Variants in SETDB1 observed in about 807,000 individuals in gnomAD.
The protein encoded by SETDB1 is histone-lysine N-methyltransferase SETDB1.
In SETDB1, 31 loss-of-function variants were observed where a neutral mutation model predicts 137.4. That is an observed-to-expected ratio of 0.23 (90% CI 0.17 to 0.30). SETDB1 has a LOEUF of 0.30. SETDB1 is among the 10% of genes least tolerant of loss of function. The probability of loss-of-function intolerance (pLI) is 1.00; values close to 1 mark genes in which losing one functional copy is unlikely to be tolerated. For synonymous variants in SETDB1, 548 were observed against 579.9 expected (o/e 0.95, Z 0.79); for missense variants, 1,113 against 1,631.5 (o/e 0.68, Z 5.47).
chr1:150,945,263 T>C (rs769500674), intron 9 of SETDB1, 155 bp downstream of exon 9: 1 of 1,464,532 alleles, frequency 6.8e-7, no homozygotes, highest in South Asian at 1.4e-5. Flanking sequence ...ACTTTGCCCT[T>C]TTTGTTGTTC....
At chr1:150,946,631 A>G (rs1158409215) in intron 9 of SETDB1, among the ~76,000 whole-genome samples, 2 of 152,118 alleles carry the variant, frequency 1.3e-5, no homozygotes, top group East Asian at 3.9e-4. Context: ...TATTTTTAGT[A>G]GAGACGGGGT....
intron 4 of SETDB1, 61 bp from the exon 5 acceptor site, chr1:150,941,268 A>C (rs1670141485): frequency 1.1e-6 from 1 of 884,166 alleles, no homozygotes; most frequent in Non-Finnish European, 1.8e-6. Context: ...TCTTATTCTG[A>C]AGTTATTTGT....
At chr1:150,956,196 G>A (rs920330799) in intron 14 of SETDB1, among the ~76,000 whole-genome samples, 1 of 151,628 alleles carries the variant, frequency 6.6e-6, no homozygotes, top group Non-Finnish European at 1.5e-5. Flanking sequence ...GATCAGCCTG[G>A]CCAAGATGTT....
chr1:150,951,193 T>C (rs921207595), intron 13 of SETDB1, 103 bp downstream of exon 13: 1 of 1,320,258 alleles, frequency 7.6e-7, no homozygotes, highest in Non-Finnish European at 1.1e-6. Context: ...CCCATCTTCC[T>C]TTACCTCCTC....
At chr1:150,948,770 T>G (rs1670408980) in intron 10 of SETDB1, among the ~76,000 whole-genome samples, 1 of 152,048 alleles carries the variant, frequency 6.6e-6, no homozygotes, top group African/African-American at 2.4e-5. Context: ...TTGCCCAGGC[T>G]GGAGTACAGT....
chr1:150,960,923 C>T lies in SETDB1; in HGVS notation c.2864C>T (p.Pro955Leu), dbSNP rs1185598176. Residue 955 changes from proline (P) to leucine (L), a missense_variant, in exon 16 of 22, where the codon CCC becomes CTC. Pro to Leu is a moderately conservative substitution (Grantham distance 98). Coordinates refer to ENST00000692827, the MANE Select transcript of SETDB1 (RefSeq NM_001366418.1). Reference sequence around the variant, plus strand: ...GACTCCCACCCCCCAGATCTTGGACCCCCACATATTCCTGTTCCTCCCTCA... The same window carrying T: ...GACTCCCACCCCCCAGATCTTGGACTCCCACATATTCCTGTTCCTCCCTCA... ...SKDSHPPDLGPPHIPVPPSIP... is the reference protein window; with the variant it reads ...SKDSHPPDLGLPHIPVPPSIP... 1.9e-6 allele frequency: 3 copies of T among 1,613,304 alleles called. No homozygotes were observed. The highest frequency in any genetic ancestry group is 1.1e-5 in the South Asian group (1 of 91,030).
At chr1:150,949,929 A>G (rs181984930) in intron 12 of SETDB1, among the ~76,000 whole-genome samples, 1 of 152,318 alleles carries the variant, frequency 6.6e-6, no homozygotes, top group East Asian at 1.9e-4. Flanking sequence ...AGGAAAAGGT[A>G]TACTGTTGAA....
chr1:150,963,192 A>T, intron 19 of SETDB1, 53 bp downstream of exon 19: 1 of 1,532,080 alleles, frequency 6.5e-7, no homozygotes. Context: ...GAAACTTGGG[A>T]TAGAGCATTT....
rs749586165 is a variant in SETDB1 at position 150,949,172 on chromosome 1, G to T, written c.1318G>T (p.Gly440Cys). The change falls in exon 11 of 22, where the codon GGT (glycine) becomes TGT (cysteine). Residue 440 changes from glycine to cysteine, a missense_variant. By Grantham distance (159) the Gly-to-Cys change is radical. Coordinates refer to ENST00000692827, the MANE Select transcript of SETDB1 (RefSeq NM_001366418.1). Reference sequence around the variant, plus strand: ...TGTCCAGTACACACAGGATCTGACCGGTACTGGAACCCAGTTCAAGCCAGT... The same window carrying T: ...TGTCCAGTACACACAGGATCTGACCTGTACTGGAACCCAGTTCAAGCCAGT... ...PVVQYTQDLT[G>C]TGTQFKPVEP... The T allele has an allele frequency of 1.9e-6, 3 of 1,613,990 alleles. No individual in the cohort carries two copies. Among genetic ancestry groups the T allele is most frequent in the Non-Finnish European group, 1.7e-6 (2 of 1,179,952 alleles).
chr1:150,944,506 C>G (rs1052427474), intron 8 of SETDB1, among the ~76,000 whole-genome samples: 1 of 152,144 alleles, frequency 6.6e-6, no homozygotes, highest in Non-Finnish European at 1.5e-5. Flanking sequence ...CATAACATGA[C>G]AGTAAACACA....
intron 14 of SETDB1, among the ~76,000 whole-genome samples, chr1:150,952,755 C>T (rs1453745489): frequency 4.0e-5 from 6 of 151,722 alleles, no homozygotes; most frequent in Non-Finnish European, 7.4e-5. Flanking sequence ...GGCATGGTGG[C>T]GCATGCCTGT....
intron 14 of SETDB1, among the ~76,000 whole-genome samples, chr1:150,956,212 C>A (rs772771281): frequency 1.3e-5 from 2 of 151,748 alleles, no homozygotes; most frequent in African/African-American, 4.8e-5. Context: ...ATGTTGAAAC[C>A]CCGTCTCTAC....
chr1:150,927,989 G>GA lies in SETDB1; in HGVS notation c.260+19dup, dbSNP rs1455566291. The GA allele has an allele frequency of 1.2e-6, 2 of 1,611,176 alleles. No individual in the cohort carries two copies. The highest frequency in any genetic ancestry group is 1.1e-5 in the South Asian group (1 of 90,976). On this transcript the variant is annotated intron_variant, in intron 2 of 21. Transcript: ENST00000692827. Reference sequence around the variant, plus strand: ...GATGCATCCAGGTGAGAACTCCATGGAAAATAGAAGGAAATCTCTCCATTG... The same window carrying GA: ...GATGCATCCAGGTGAGAACTCCATGGAAAAATAGAAGGAAATCTCTCCATTG...
intron 3 of SETDB1, among the ~76,000 whole-genome samples, chr1:150,933,450 C>A (rs1353000324): frequency 6.9e-6 from 1 of 144,670 alleles, no homozygotes; most frequent in Admixed American, 7.5e-5. Flanking sequence ...AACTTCTGCT[C>A]ACTGCAACCT....
chr1:150,936,824 A>T (rs587757828), intron 3 of SETDB1, among the ~76,000 whole-genome samples: 116 of 146,160 alleles, frequency 7.9e-4, no homozygotes, highest in South Asian at 1.9e-3. Flanking sequence ...TGCCTGATTT[A>T]AAAAAAAAAA....
intron 1 of SETDB1, chr1:150,926,901 C>CT (rs2102619294): frequency 5.9e-6 from 3 of 512,636 alleles, no homozygotes; most frequent in Non-Finnish European, 1.2e-5. Flanking sequence ...ATATCATAGA[C>CT]TTTTTAAAAA....
At chr1:150,944,432 A>T (rs1046445416) in intron 8 of SETDB1, among the ~76,000 whole-genome samples, 1 of 152,194 alleles carries the variant, frequency 6.6e-6, no homozygotes, top group African/African-American at 2.4e-5. Flanking sequence ...CTGGCTTGGG[A>T]GCAGACTCCT....
chr1:150,962,949 A>C (rs1266890193), intron 18 of SETDB1, 25 bp from the exon 19 acceptor site: 9 of 1,608,658 alleles, frequency 5.6e-6, no homozygotes, highest in Non-Finnish European at 7.7e-6. Context: ...TACTTCTCTT[A>C]CTTCTTACCC....
chr1:150,954,178 C>T (rs1273196909), intron 14 of SETDB1, among the ~76,000 whole-genome samples: 1 of 152,046 alleles, frequency 6.6e-6, no homozygotes. Context: ...AAAAATTAGC[C>T]GGGCATGGTA....
Sources: allele counts gnomAD v4.1 joint callset (sites outside exome capture counted in the v4.1 genomes callset), GRCh38; gene constraint gnomAD v4.1.1; transcripts MANE v1.5; gene names NCBI Gene and HGNC (gene_info 2026-07-23, HGNC 2026-07-21).